The following ARMC8 variants were observed in gnomAD, a reference collection of about 807,000 sequenced individuals.
ARMC8 encodes the protein armadillo repeat containing 8, also known as armadillo repeat-containing protein 8.
Under a neutral mutation model 99.3 loss-of-function variants are expected in ARMC8, and 20 were observed. The observed-to-expected ratio is 0.20, with a 90% confidence interval of 0.14 to 0.29. ARMC8 has a LOEUF of 0.29. Among genes scored for constraint, ARMC8 ranks in the 10% least tolerant of loss-of-function variants. The probability of loss-of-function intolerance (pLI) is 1.00; values close to 1 mark genes in which losing one functional copy is unlikely to be tolerated. For missense variants in ARMC8, 569 were observed against 809.5 expected (o/e 0.70, Z 3.60); for synonymous variants, 263 against 278.3 (o/e 0.95, Z 0.55).
chr3:138,187,615 C>T lies in ARMC8; in HGVS notation c.45+16C>T, dbSNP rs2043133706. On this transcript the variant is annotated intron_variant, in intron 1 of 21. Coordinates refer to ENST00000469044, the MANE Select transcript of ARMC8 (RefSeq NM_001363941.2). ...CGTCCTTTCGGTGAGTGACCCGCCGCGGCCGCCCGCCCGCCCTCCAGGAAG... is the reference window on the plus strand; with the variant it reads ...CGTCCTTTCGGTGAGTGACCCGCCGTGGCCGCCCGCCCGCCCTCCAGGAAG... 6.5e-7 allele frequency: 1 copy of T among 1,535,346 alleles called. No individual in the cohort carries two copies. The highest frequency in any genetic ancestry group is 8.7e-7 in the Non-Finnish European group (1 of 1,146,414).
At chr3:138,231,854 G>C (rs1388921619) in intron 6 of ARMC8, among the ~76,000 whole-genome samples, 1 of 151,422 alleles carries the variant, frequency 6.6e-6, no homozygotes, top group African/African-American at 2.4e-5. Context: ...CTAACCACCA[G>C]GTTCCTGCAG....
At chr3:138,187,667 C>A (rs2043138616) in intron 1 of ARMC8, 68 bp downstream of exon 1, 2 of 1,500,492 alleles carry the variant, frequency 1.3e-6, no homozygotes, top group East Asian at 2.5e-5. Context: ...ACCATTCCCC[C>A]AAGCGTGGTG....
chr3:138,288,082 G>A (rs1005590359), intron 19 of ARMC8: 2 of 159,102 alleles, frequency 1.3e-5, no homozygotes, highest in African/African-American at 4.8e-5. Flanking sequence ...AGTTTTTGGG[G>A]ATATTCCTTT....
At chr3:138,256,459 G>A (rs1380476776) in intron 12 of ARMC8, among the ~76,000 whole-genome samples, 2 of 134,598 alleles carry the variant, frequency 1.5e-5, no homozygotes, top group Non-Finnish European at 3.1e-5. Context: ...CGCCCAGGCC[G>A]GAGTGCAGTG....
At chr3:138,250,054 C>G (rs1299150887) in intron 12 of ARMC8, among the ~76,000 whole-genome samples, 1 of 151,978 alleles carries the variant, frequency 6.6e-6, no homozygotes, top group East Asian at 1.9e-4. Context: ...AAAAGTTGTC[C>G]AATCACAGTG....
chr3:138,232,094 C>A (rs962088249), intron 6 of ARMC8, among the ~76,000 whole-genome samples: 1 of 150,826 alleles, frequency 6.6e-6, no homozygotes, highest in Admixed American at 6.6e-5. Context: ...CCACAGCCTC[C>A]CGAGTAGCTG....
chr3:138,266,062 A>G (rs1375881466), intron 14 of ARMC8, among the ~76,000 whole-genome samples: 1 of 152,240 alleles, frequency 6.6e-6, no homozygotes, highest in Non-Finnish European at 1.5e-5. Context: ...GCCTATCAGA[A>G]CAGTATGTTT....
At chr3:138,248,950 C>T (rs181096866) in intron 12 of ARMC8, among the ~76,000 whole-genome samples, 3 of 152,274 alleles carry the variant, frequency 2.0e-5, no homozygotes, top group African/African-American at 7.2e-5. Flanking sequence ...TTTTCTGCTT[C>T]AATTTGAATA....
intron 1 of ARMC8, among the ~76,000 whole-genome samples, chr3:138,197,663 T>C (rs2043814512): frequency 6.6e-6 from 1 of 152,202 alleles, no homozygotes; most frequent in Non-Finnish European, 1.5e-5. Context: ...AAACTCCTGA[T>C]CATTTTTGTA....
intron 11 of ARMC8, among the ~76,000 whole-genome samples, chr3:138,243,161 G>C (rs1477775895): frequency 1.3e-5 from 2 of 152,188 alleles, no homozygotes; most frequent in African/African-American, 2.4e-5. Context: ...GGCCATGAGA[G>C]TAAGGAAACA....
chr3:138,187,649 C>T (rs371910795), intron 1 of ARMC8, 50 bp downstream of exon 1: 4 of 1,525,578 alleles, frequency 2.6e-6, no homozygotes, highest in South Asian at 2.4e-5. Flanking sequence ...AGCCTCATCC[C>T]GGTCTCCACC....
intron 18 of ARMC8, among the ~76,000 whole-genome samples, chr3:138,276,505 T>G (rs1028825775): frequency 6.6e-6 from 1 of 152,042 alleles, no homozygotes; most frequent in African/African-American, 2.4e-5. Flanking sequence ...GTATACAGAT[T>G]GGAAAGGACA....
chr3:138,258,505 G>A (rs2108240624), intron 12 of ARMC8, among the ~76,000 whole-genome samples: 1 of 152,272 alleles, frequency 6.6e-6, no homozygotes, highest in Non-Finnish European at 1.5e-5. Flanking sequence ...CAAGTTGTTG[G>A]AGTTCCTGTG....
At chr3:138,215,872 T>C (rs1338975271) in intron 2 of ARMC8, among the ~76,000 whole-genome samples, 1 of 151,780 alleles carries the variant, frequency 6.6e-6, no homozygotes, top group Non-Finnish European at 1.5e-5. Context: ...ATTTATTGTT[T>C]TTTTTTGAGA....
At chr3:138,207,637 C>T (rs1432993044) in intron 1 of ARMC8, among the ~76,000 whole-genome samples, 1 of 152,100 alleles carries the variant, frequency 6.6e-6, no homozygotes, top group Admixed American at 6.6e-5. Context: ...GCAAAACTTA[C>T]CTGTTTGTAT....
chr3:138,276,880 T>C (rs2049346685), intron 18 of ARMC8, among the ~76,000 whole-genome samples: 1 of 152,240 alleles, frequency 6.6e-6, no homozygotes, highest in Admixed American at 6.5e-5. Flanking sequence ...AATATTACTA[T>C]AGATGTAAAT....
chr3:138,249,535 G>A (rs749453680), intron 12 of ARMC8, among the ~76,000 whole-genome samples: 65 of 151,876 alleles, frequency 4.3e-4, no homozygotes, highest in Non-Finnish European at 6.8e-4. Flanking sequence ...TCATTCACAC[G>A]TGTGAATCTG....
chr3:138,246,505 A>T (rs985906072), intron 12 of ARMC8: 55 of 985,556 alleles, frequency 5.6e-5, no homozygotes, highest in Admixed American at 1.8e-4. Context: ...GAACATTTTT[A>T]AAAAATTGGA....
chr3:138,288,618 G>A (rs1032683421), intron 19 of ARMC8, among the ~76,000 whole-genome samples: 1 of 148,694 alleles, frequency 6.7e-6, no homozygotes, highest in Admixed American at 6.7e-5. Context: ...ATTTGAGTTT[G>A]AGGACTCTTC....
Sources: allele counts gnomAD v4.1 joint callset (sites outside exome capture counted in the v4.1 genomes callset), GRCh38; gene constraint gnomAD v4.1.1; transcripts MANE v1.5; gene names NCBI Gene and HGNC (gene_info 2026-07-23, HGNC 2026-07-21).